Variants in PAK1 observed in about 807,000 individuals in gnomAD.
PAK1 encodes serine/threonine-protein kinase PAK 1.
PAK1 carries 29 observed loss-of-function variants against 67.4 expected under a neutral mutation model. The observed-to-expected ratio is 0.43, with a 90% confidence interval of 0.32 to 0.59. PAK1 has a LOEUF of 0.59. Among genes scored for constraint, PAK1 ranks in the 20% least tolerant of loss-of-function variants. PAK1 has a pLI of 0.07. For missense variants in PAK1, 337 were observed against 670.7 expected, an observed-to-expected ratio of 0.50 and a Z score of 5.50; for synonymous variants, 223 against 237.4, an observed-to-expected ratio of 0.94 and a Z score of 0.56.
At chr11:77,463,949 A>G (rs1424155226) in intron 1 of PAK1, among the ~76,000 whole-genome samples, 1 of 152,242 alleles carries the variant, frequency 6.6e-6, no homozygotes, top group Non-Finnish European at 1.5e-5. Flanking sequence ...TAGTAGCCAT[A>G]TTTTAAAGTT....
At chr11:77,396,953 T>C (rs1951910831) in intron 1 of PAK1, 1 of 152,238 alleles carries the variant, frequency 6.6e-6, no homozygotes, top group African/African-American at 2.4e-5. Context: ...TGTACCATTT[T>C]AAACTTTGTT....
the PAK1 span, among the ~76,000 whole-genome samples, chr11:77,527,522 T>C: frequency 6.6e-6 from 1 of 152,194 alleles, no homozygotes; most frequent in African/African-American, 2.4e-5. Context: ...TATTTATGAG[T>C]GAGAAAACAG....
At chr11:77,520,008 C>CT in the PAK1 span, among the ~76,000 whole-genome samples, 2 of 152,074 alleles carry the variant, frequency 1.3e-5, no homozygotes, top group Admixed American at 6.5e-5. Flanking sequence ...TGTGGCCCCC[C>CT]CCTCCGCCCG....
intron 1 of PAK1, among the ~76,000 whole-genome samples, chr11:77,423,361 A>C (rs1202284264): frequency 6.6e-6 from 1 of 150,940 alleles, no homozygotes; most frequent in Admixed American, 6.6e-5. Flanking sequence ...ATAAGAATAT[A>C]ACCTGTCTAC....
intron 5 of PAK1, among the ~76,000 whole-genome samples, chr11:77,367,670 A>C (rs1035189985): frequency 2.0e-5 from 3 of 152,178 alleles, no homozygotes; most frequent in African/African-American, 7.2e-5. Context: ...AAAAATGGAG[A>C]ATTAGTTTAA....
the PAK1 span, among the ~76,000 whole-genome samples, chr11:77,506,261 G>C: frequency 1.3e-5 from 2 of 152,176 alleles, no homozygotes; most frequent in Non-Finnish European, 2.9e-5. Flanking sequence ...TCAGGGCTTT[G>C]CATGAAGTAA....
intron 1 of PAK1, chr11:77,396,977 GT>G (rs2137567869): frequency 6.6e-6 from 1 of 152,226 alleles, no homozygotes; most frequent in Admixed American, 6.5e-5. Context: ...AGGAAAACAG[GT>G]CCAAAACAAC....
At chr11:77,469,555 TA>T (rs1324720452) in intron 1 of PAK1, among the ~76,000 whole-genome samples, 2 of 152,130 alleles carry the variant, frequency 1.3e-5, no homozygotes, top group East Asian at 1.9e-4. Flanking sequence ...AACACAGAGA[TA>T]AAAATTACTT....
chr11:77,440,040 TC>T (rs1407559785), intron 1 of PAK1, among the ~76,000 whole-genome samples: 1 of 152,142 alleles, frequency 6.6e-6, no homozygotes, highest in East Asian at 1.9e-4. Context: ...ATAAACTTAA[TC>T]CCCGGTGCCT....
intron 1 of PAK1, among the ~76,000 whole-genome samples, chr11:77,467,375 G>A (rs1359545625): frequency 2.0e-5 from 3 of 152,012 alleles, no homozygotes; most frequent in African/African-American, 7.3e-5. Context: ...TGTTTCTCCC[G>A]GAAACTATAA....
At chr11:77,471,834 T>C (rs919601139) in intron 1 of PAK1, among the ~76,000 whole-genome samples, 1 of 152,228 alleles carries the variant, frequency 6.6e-6, no homozygotes, top group African/African-American at 2.4e-5. Flanking sequence ...TCAAAACATG[T>C]GCTTAGTAAA....
chr11:77,379,391 G>A lies in PAK1; in HGVS notation c.292-3C>T. 2 of 1,611,554 alleles carry A rather than the reference G, an allele frequency of 1.2e-6. No homozygotes were observed. Among genetic ancestry groups the A allele is most frequent in the South Asian group, 2.2e-5 (2 of 90,798 alleles). ...CGGGCCCACTGCTCTGGCATTCCCT[G>A]TAAGAGAGACATGCAAGACTAACAG... On this transcript the variant is annotated splice_polypyrimidine_tract_variant and splice_region_variant and intron_variant, in intron 3 of 14. Coordinates refer to ENST00000356341, the MANE Select transcript of PAK1 (RefSeq NM_002576.5).
chr11:77,376,942 A>G (rs1157247359), intron 4 of PAK1, among the ~76,000 whole-genome samples: 1 of 152,082 alleles, frequency 6.6e-6, no homozygotes, highest in Non-Finnish European at 1.5e-5. Context: ...ATATAAAATG[A>G]GCATAATAGT....
chr11:77,429,093 A>AAAAAAAAAAAAAAAAAAAAAC (rs1565696611), intron 1 of PAK1, among the ~76,000 whole-genome samples: 1 of 106,398 alleles, frequency 9.4e-6, no homozygotes, highest in East Asian at 3.8e-4. Context: ...AAAAAAAAAA[A>AAAAAAAAAAAAAAAAAAAAAC]ACACACACAC....
At chr11:77,467,337 A>G (rs1438910396) in intron 1 of PAK1, among the ~76,000 whole-genome samples, 8 of 152,108 alleles carry the variant, frequency 5.3e-5, no homozygotes, top group Non-Finnish European at 1.0e-4. Flanking sequence ...TTTTGTCTCA[A>G]TGTAGTGTAA....
intron 1 of PAK1, among the ~76,000 whole-genome samples, chr11:77,427,869 T>C (rs1039116006): frequency 5.3e-5 from 8 of 152,216 alleles, no homozygotes; most frequent in African/African-American, 1.4e-4. Flanking sequence ...CTGACATCCA[T>C]AGCAGACATC....
chr11:77,409,799 G>T (rs1323444239), intron 1 of PAK1, among the ~76,000 whole-genome samples: 1 of 151,998 alleles, frequency 6.6e-6, no homozygotes, highest in Non-Finnish European at 1.5e-5. Context: ...AGGGAGTGAG[G>T]AGGATGAAGG....
chr11:77,375,272 T>C (rs963021312), intron 4 of PAK1, among the ~76,000 whole-genome samples: 1 of 152,208 alleles, frequency 6.6e-6, no homozygotes, highest in African/African-American at 2.4e-5. Context: ...AAAATCTGCA[T>C]TCTAAAAGAA....
At chr11:77,434,035 G>T (rs1298372509) in intron 1 of PAK1, among the ~76,000 whole-genome samples, 2 of 152,130 alleles carry the variant, frequency 1.3e-5, no homozygotes, top group Non-Finnish European at 2.9e-5. Flanking sequence ...ATACACTGCT[G>T]GTGGAAATGT....
Sources: allele counts gnomAD v4.1 joint callset (sites outside exome capture counted in the v4.1 genomes callset), GRCh38; gene constraint gnomAD v4.1.1; transcripts MANE v1.5; gene names NCBI Gene and HGNC (gene_info 2026-07-23, HGNC 2026-07-21).